GPR158: variants seen among roughly 807,000 people sequenced by gnomAD.
GPR158 encodes the protein G protein-coupled receptor 158, also known as metabotropic glycine receptor.
GPR158 carries 30 observed loss-of-function variants against 78.2 expected under a neutral mutation model. That is an observed-to-expected ratio of 0.38 (90% CI 0.29 to 0.52). The LOEUF (loss-of-function observed/expected upper bound fraction) is 0.52, where lower values mean the gene tolerates loss of function less well. Ranked by LOEUF, GPR158 falls within the 20% of genes least tolerant of loss-of-function variation. The pLI, the probability that GPR158 is intolerant of heterozygous loss-of-function variation, is 0.83. For missense variants in GPR158, 1,463 were observed against 1,523.5 expected (o/e 0.96, Z 0.66); for synonymous variants, 581 against 591.1 (o/e 0.98, Z 0.25).
intron 2 of GPR158, among the ~76,000 whole-genome samples, chr10:25,351,483 C>T (rs1190398113): frequency 6.6e-6 from 1 of 151,822 alleles, no homozygotes; most frequent in Non-Finnish European, 1.5e-5. Flanking sequence ...ACATCAAAAC[C>T]AGGCAACGTA....
At chr10:25,453,173 G>A (rs1835244817) in intron 4 of GPR158, among the ~76,000 whole-genome samples, 2 of 152,168 alleles carry the variant, frequency 1.3e-5, no homozygotes, top group African/African-American at 2.4e-5. Flanking sequence ...AGTAAATAAT[G>A]CACAGTGAAC....
intron 6 of GPR158, among the ~76,000 whole-genome samples, chr10:25,558,173 A>G (rs943919837): frequency 3.0e-4 from 45 of 152,256 alleles, no homozygotes; most frequent in Non-Finnish European, 5.9e-5. Context: ...CTGAAACCCA[A>G]GATTTTTTGT....
At chr10:25,277,530 C>T (rs143227835) in intron 2 of GPR158, among the ~76,000 whole-genome samples, 2 of 151,676 alleles carry the variant, frequency 1.3e-5, no homozygotes, top group African/African-American at 4.8e-5. Context: ...GAACAAGAAA[C>T]AAAACCAAAA....
chr10:25,493,505 A>T (rs1190379494), intron 5 of GPR158, among the ~76,000 whole-genome samples: 1 of 152,174 alleles, frequency 6.6e-6, no homozygotes, highest in East Asian at 1.9e-4. Context: ...TTCTAAAAAA[A>T]AATGTTTCAT....
chr10:25,599,907 T>C lies in GPR158; in HGVS notation c.*633T>C, dbSNP rs1396148643. On this transcript the variant is annotated 3_prime_UTR_variant, in exon 11 of 11. Transcript: ENST00000376351. ...GCAATCTGCAGCTATTCAATTGTTA[T>C]TGCACCTTACAGAATACCTGCTATC... The C allele has an allele frequency of 6.5e-6, 1 of 152,748 alleles. No individual in the cohort carries two copies. The highest frequency in any genetic ancestry group is 1.5e-5 in the Non-Finnish European group (1 of 68,102). 9.5% of individuals were successfully genotyped at this position (152,748 alleles called of 1,614,324 possible). A position where few individuals can be genotyped will look rare whatever the true frequency, so the allele number is the denominator to read the frequency against.
chr10:25,562,139 A>G (rs1344627110), intron 6 of GPR158, among the ~76,000 whole-genome samples: 1 of 151,772 alleles, frequency 6.6e-6, no homozygotes, highest in Non-Finnish European at 1.5e-5. Flanking sequence ...TTTTATTTAC[A>G]TAAAGTCAGT....
At chr10:25,476,320 T>G (rs945389416) in intron 5 of GPR158, among the ~76,000 whole-genome samples, 1 of 152,134 alleles carries the variant, frequency 6.6e-6, no homozygotes, top group African/African-American at 2.4e-5. Flanking sequence ...AAGCACATTC[T>G]TTGTAATTTA....
intron 2 of GPR158, among the ~76,000 whole-genome samples, chr10:25,271,386 T>C (rs1194094145): frequency 6.6e-6 from 1 of 152,218 alleles, no homozygotes; most frequent in Admixed American, 6.5e-5. Context: ...AATTTTATCT[T>C]TAATTTTTAG....
chr10:25,408,241 CTTTTTTGAT>C (rs1249846597), intron 3 of GPR158, among the ~76,000 whole-genome samples: 10 of 152,242 alleles, frequency 6.6e-5, no homozygotes, highest in Non-Finnish European at 1.3e-4. Context: ...TTCACAGATA[CTTTTTTGAT>C]TAATTTAACT....
At chr10:25,569,049 A>G (rs1366684996) in intron 6 of GPR158, among the ~76,000 whole-genome samples, 1 of 152,224 alleles carries the variant, frequency 6.6e-6, no homozygotes, top group South Asian at 2.1e-4. Flanking sequence ...CCATTTTACA[A>G]AAACCAATAT....
At chr10:25,526,575 T>A (rs961399454) in intron 5 of GPR158, among the ~76,000 whole-genome samples, 7 of 152,176 alleles carry the variant, frequency 4.6e-5, no homozygotes, top group Non-Finnish European at 8.8e-5. Flanking sequence ...TAAACTATGA[T>A]AGGGCAATAA....
chr10:25,374,265 A>C (rs1342063866), intron 2 of GPR158, among the ~76,000 whole-genome samples: 4 of 151,358 alleles, frequency 2.6e-5, no homozygotes, highest in African/African-American at 7.3e-5. Flanking sequence ...TTTTTATAAT[A>C]ATTATCAATT....
intron 1 of GPR158, among the ~76,000 whole-genome samples, chr10:25,215,058 T>A (rs1853189069): frequency 6.6e-6 from 1 of 152,092 alleles, no homozygotes; most frequent in East Asian, 1.9e-4. Flanking sequence ...TTGTTAAAAA[T>A]CTAAGCGGCT....
chr10:25,492,890 ATAT>A (rs1241758125), intron 5 of GPR158, among the ~76,000 whole-genome samples: 2 of 148,270 alleles, frequency 1.3e-5, no homozygotes, highest in Middle Eastern at 3.6e-3. Context: ...ATATAAACAA[ATAT>A]TAATATATTA....
intron 5 of GPR158, among the ~76,000 whole-genome samples, chr10:25,531,475 G>C (rs1488684583): frequency 5.3e-5 from 8 of 152,136 alleles, no homozygotes; most frequent in African/African-American, 1.9e-4. Context: ...ATCTGAAAAA[G>C]TTTTATGGCA....
At chr10:25,330,960 A>G (rs1455406610) in intron 2 of GPR158, among the ~76,000 whole-genome samples, 2 of 152,124 alleles carry the variant, frequency 1.3e-5, no homozygotes, top group Non-Finnish European at 2.9e-5. Context: ...TTTACTTTGG[A>G]GAAAGGGTGT....
chr10:25,597,085 T>G (rs183790322), intron 10 of GPR158, among the ~76,000 whole-genome samples: 1 of 152,334 alleles, frequency 6.6e-6, no homozygotes, highest in East Asian at 1.9e-4. Flanking sequence ...AGTGTTGAAC[T>G]GATTAAACGT....
intron 2 of GPR158, among the ~76,000 whole-genome samples, chr10:25,345,073 A>G (rs369500465): frequency 6.3e-4 from 96 of 152,066 alleles, no homozygotes; most frequent in African/African-American, 2.0e-3. Flanking sequence ...TCAACATATG[A>G]ATTTGAAGGG....
At chr10:25,204,104 G>A (rs1852980405) in intron 1 of GPR158, among the ~76,000 whole-genome samples, 3 of 152,116 alleles carry the variant, frequency 2.0e-5, no homozygotes. Context: ...CATTGATTTT[G>A]TATCCTGAGA....
Sources: gnomAD v4.1 joint callset for allele counts (sites outside exome capture counted in the v4.1 genomes callset) on GRCh38, gnomAD v4.1.1 for gene constraint, MANE v1.5 for transcripts, NCBI Gene and HGNC (gene_info 2026-07-23, HGNC 2026-07-21) for gene names.